Variants in TSHZ3 observed in about 807,000 individuals in gnomAD.
The protein encoded by TSHZ3 is teashirt homolog 3.
In TSHZ3, 10 loss-of-function variants were observed where a neutral mutation model predicts 64.5. The ratio of observed to expected loss-of-function variants is 0.16; its 90% CI spans 0.10 to 0.26. TSHZ3 has a LOEUF of 0.26. TSHZ3 is among the 10% of genes least tolerant of loss of function. TSHZ3 has a pLI of 1.00. For synonymous variants in TSHZ3, 608 were observed against 593.1 expected (o/e 1.03, Z -0.36); for missense variants, 1,242 against 1,421.7 (o/e 0.87, Z 2.03).
intron 5 of TSHZ3, chr19:31,204,652 G>T (rs963746770): frequency 6.6e-6 from 1 of 152,212 alleles, no homozygotes; most frequent in Non-Finnish European, 1.5e-5. Flanking sequence ...AATGCTATAG[G>T]CATTGCTTTG....
At chr19:31,161,722 A>C (rs576180384) in intron 5 of TSHZ3, among the ~76,000 whole-genome samples, 1 of 152,260 alleles carries the variant, frequency 6.6e-6, no homozygotes, top group South Asian at 2.1e-4. Flanking sequence ...GCATTTTTAG[A>C]ACCGGCCTAT....
At chr19:31,292,807 C>A (rs994528145) in intron 1 of TSHZ3, among the ~76,000 whole-genome samples, 1 of 151,342 alleles carries the variant, frequency 6.6e-6, no homozygotes, top group African/African-American at 2.4e-5. Flanking sequence ...TCCATCCATC[C>A]AAACACCCAT....
intron 1 of TSHZ3, among the ~76,000 whole-genome samples, chr19:31,292,221 G>A (rs923604012): frequency 1.3e-5 from 2 of 152,140 alleles, no homozygotes; most frequent in African/African-American, 2.4e-5. Flanking sequence ...ATAGGAATTG[G>A]GTAAATTATT....
intron 1 of TSHZ3, among the ~76,000 whole-genome samples, chr19:31,336,999 TTTTC>T (rs1242686135): frequency 1.4e-5 from 2 of 139,764 alleles, no homozygotes; most frequent in Middle Eastern, 3.3e-3. Context: ...CTTCCTTTCT[TTTTC>T]TTTTTTTCTA....
At chr19:31,298,972 A>G (rs1407426713) in intron 1 of TSHZ3, among the ~76,000 whole-genome samples, 1 of 152,196 alleles carries the variant, frequency 6.6e-6, no homozygotes, top group Admixed American at 6.5e-5. Flanking sequence ...AGGTGGGTGG[A>G]CCACCTGAGG....
At chr19:31,240,114 T>C (rs1266102335) in intron 3 of TSHZ3, among the ~76,000 whole-genome samples, 1 of 152,212 alleles carries the variant, frequency 6.6e-6, no homozygotes, top group Non-Finnish European at 1.5e-5. Context: ...TTTTAGTCAT[T>C]GTTTTTCTAA....
intron 1 of TSHZ3, among the ~76,000 whole-genome samples, chr19:31,306,422 T>C (rs954078141): frequency 3.9e-5 from 6 of 152,202 alleles, no homozygotes; most frequent in African/African-American, 1.2e-4. Context: ...ATACAGTTAA[T>C]GCAAAGTGAT....
chr19:31,267,918 A>G (rs1022156542), intron 1 of TSHZ3, among the ~76,000 whole-genome samples: 3 of 152,190 alleles, frequency 2.0e-5, no homozygotes, highest in East Asian at 1.9e-4. Context: ...TGACAAGTGC[A>G]GTAAGAAGGC....
intron 3 of TSHZ3, among the ~76,000 whole-genome samples, chr19:31,232,860 C>A (rs187292370): frequency 6.6e-6 from 1 of 152,170 alleles, no homozygotes. Context: ...TCACTTAGCA[C>A]GCCTGTGAGT....
intron 1 of TSHZ3, among the ~76,000 whole-genome samples, chr19:31,285,366 A>G (rs1976438876): frequency 6.6e-6 from 1 of 151,538 alleles, no homozygotes; most frequent in Admixed American, 6.6e-5. Context: ...TGTAGTCCCA[A>G]CTACTTAGGA....
chr19:31,254,344 C>T (rs1975880742), intron 1 of TSHZ3, among the ~76,000 whole-genome samples: 1 of 152,182 alleles, frequency 6.6e-6, no homozygotes, highest in Non-Finnish European at 1.5e-5. Flanking sequence ...GCCGGGCCTG[C>T]AGAGGAGGCA....
At chr19:31,243,608 T>C (rs1044530322) in intron 1 of TSHZ3, among the ~76,000 whole-genome samples, 24 of 152,010 alleles carry the variant, frequency 1.6e-4, no homozygotes, top group African/African-American at 4.6e-4. Flanking sequence ...TCCTCTCAAA[T>C]AGCAGAAGCA....
intron 1 of TSHZ3, among the ~76,000 whole-genome samples, chr19:31,281,419 C>G (rs1416910279): frequency 6.6e-6 from 1 of 152,156 alleles, no homozygotes; most frequent in Non-Finnish European, 1.5e-5. Context: ...TGGATGGGAA[C>G]TGCCCCAGGT....
At chr19:31,236,907 G>C (rs1975624206) in intron 3 of TSHZ3, among the ~76,000 whole-genome samples, 1 of 152,220 alleles carries the variant, frequency 6.6e-6, no homozygotes, top group Non-Finnish European at 1.5e-5. Context: ...CCAGCACTTT[G>C]GGAGGCCAAG....
At chr19:31,331,174 C>G (rs1240716369) in intron 1 of TSHZ3, among the ~76,000 whole-genome samples, 1 of 152,112 alleles carries the variant, frequency 6.6e-6, no homozygotes, top group African/African-American at 2.4e-5. Flanking sequence ...ATCAGAGATT[C>G]AGAGGGCACG....
At chr19:31,336,589 G>A (rs1917249523) in intron 1 of TSHZ3, among the ~76,000 whole-genome samples, 1 of 152,186 alleles carries the variant, frequency 6.6e-6, no homozygotes, top group Non-Finnish European at 1.5e-5. Flanking sequence ...AAGGAACGAA[G>A]TTTCAGACCC....
intron 5 of TSHZ3, among the ~76,000 whole-genome samples, chr19:31,190,888 C>A (rs1974894255): frequency 1.1e-5 from 1 of 87,304 alleles, no homozygotes; most frequent in Admixed American, 1.3e-4. Context: ...AATAAAAATT[C>A]TAGAATAAAA....
chr19:31,195,987 T>A (rs1286911926), intron 5 of TSHZ3, among the ~76,000 whole-genome samples: 1 of 151,996 alleles, frequency 6.6e-6, no homozygotes, highest in Non-Finnish European at 1.5e-5. Context: ...CTATTTATTA[T>A]AGCTTATTGC....
chr19:31,158,091 C>T (rs934706190), intron 5 of TSHZ3, among the ~76,000 whole-genome samples: 1 of 152,102 alleles, frequency 6.6e-6, no homozygotes, highest in Non-Finnish European at 1.5e-5. Context: ...ATTTGGAATG[C>T]CCTAATTGTA....
Sources: gnomAD v4.1 joint callset for allele counts (sites outside exome capture counted in the v4.1 genomes callset) on GRCh38, gnomAD v4.1.1 for gene constraint, MANE v1.5 for transcripts, NCBI Gene and HGNC (gene_info 2026-07-23, HGNC 2026-07-21) for gene names.